ITGAD: variants seen among roughly 807,000 people sequenced by gnomAD.
ITGAD encodes integrin alpha-D.
Under a neutral mutation model 139.0 loss-of-function variants are expected in ITGAD, and 105 were observed. The ratio of observed to expected loss-of-function variants is 0.76; its 90% CI spans 0.65 to 0.89. The LOEUF (loss-of-function observed/expected upper bound fraction) is 0.89, where lower values mean the gene tolerates loss of function less well. Ranked by LOEUF, ITGAD falls within the 40% of genes least tolerant of loss-of-function variation. ITGAD has a pLI of 0.00. For synonymous variants in ITGAD, 569 were observed against 598.3 expected, an observed-to-expected ratio of 0.95 and a Z score of 0.71; for missense variants, 1,384 against 1,487.3, an observed-to-expected ratio of 0.93 and a Z score of 1.14.
chr16:31,404,898 T>C (rs2142687906), intron 7 of ITGAD, among the ~76,000 whole-genome samples: 1 of 151,812 alleles, frequency 6.6e-6, no homozygotes, highest in East Asian at 1.9e-4. Flanking sequence ...CTTCATTTCT[T>C]CTCTCACTCT....
chr16:31,414,857 C>T lies in ITGAD; in HGVS notation c.2152-3C>T, dbSNP rs768319518. 4 of 1,613,898 alleles carry T rather than the reference C, an allele frequency of 2.5e-6. No individual in the cohort carries two copies. In the South Asian group the frequency reaches 4.4e-5, roughly 18 times the overall value. On this transcript the variant is annotated splice_polypyrimidine_tract_variant and splice_region_variant and intron_variant, in intron 17 of 29. Coordinates refer to ENST00000389202, the MANE Select transcript of ITGAD (RefSeq NM_005353.3). ...AGGTTCTTGAAAGCCTGTTCTCTCT[C>T]AGGATTGTGTGGAGGATGTGGTGAG...
intron 16 of ITGAD, 110 bp downstream of exon 16, chr16:31,413,356 C>A: frequency 1.7e-6 from 2 of 1,179,214 alleles, no homozygotes; most frequent in Non-Finnish European, 2.4e-6. Context: ...CACATTCACT[C>A]ACCACCTGTG....
chr16:31,411,579 C>A, intron 14 of ITGAD, 62 bp downstream of exon 14: 1 of 1,507,054 alleles, frequency 6.6e-7, no homozygotes, highest in Non-Finnish European at 9.2e-7. Context: ...GTTCACTGAA[C>A]GCAGCCTCCT....
chr16:31,398,018 G>A lies in ITGAD; in HGVS notation c.427+109G>A, dbSNP rs1196549335. The A allele has an allele frequency of 6.6e-6, 5 of 752,244 alleles. No homozygotes were observed. The African/African-American group carries it at 8.8e-5, about 13-fold the overall frequency. The allele number at this position is 752,244 out of a possible 1,614,324, so 46.6% of individuals were successfully genotyped here. A position where few individuals can be genotyped will look rare whatever the true frequency, so the allele number is the denominator to read the frequency against. ...CTGTGCCCTCCCTGGAGGGCCGAGT[G>A]TGGCTAGGAGAGAAGCCAGGAGAAG... On this transcript the variant is annotated intron_variant, in intron 5 of 29. Transcript: ENST00000389202.
intron 25 of ITGAD, 56 bp downstream of exon 25, chr16:31,423,515 C>T: frequency 6.2e-7 from 1 of 1,603,216 alleles, no homozygotes. Flanking sequence ...ACAGCACTCC[C>T]TCTTACCAGG....
chr16:31,402,462 G>T, intron 6 of ITGAD: 1 of 392,600 alleles, frequency 2.5e-6, no homozygotes, highest in Non-Finnish European at 4.6e-6. Context: ...GAAATACAAT[G>T]TTTCTGCTGT....
intron 18 of ITGAD, 50 bp from the exon 19 acceptor site, chr16:31,416,163 G>A: frequency 6.9e-7 from 1 of 1,459,244 alleles, no homozygotes; most frequent in Admixed American, 1.9e-5. Flanking sequence ...GAGGGGCTTG[G>A]AGAAAGACTA....
chr16:31,407,123 G>T (rs2081558579), intron 7 of ITGAD, among the ~76,000 whole-genome samples: 3 of 152,204 alleles, frequency 2.0e-5, no homozygotes, highest in Admixed American at 2.0e-4. Context: ...GGAGGCTGAG[G>T]CTGGTGGATC....
chr16:31,423,928 G>A lies in ITGAD; in HGVS notation c.3129G>A (p.Lys1043=), dbSNP rs2082058475. Residue 1043 remains lysine, a synonymous_variant, in exon 27 of 30, where the codon AAG becomes AAA. Coordinates refer to ENST00000389202, the MANE Select transcript of ITGAD (RefSeq NM_005353.3). ...SVQEELDFTL[K]GNLSFGWVRE... Reference sequence around the variant, plus strand: ...AGGAGGAGCTGGATTTCACCCTGAAGGGCAATCTCAGTTTCGGCTGGGTCC... The same window carrying A: ...AGGAGGAGCTGGATTTCACCCTGAAAGGCAATCTCAGTTTCGGCTGGGTCC... The A allele has an allele frequency of 6.2e-7, 1 of 1,614,054 alleles. No homozygotes were observed. Among genetic ancestry groups the A allele is most frequent in the Admixed American group, 1.7e-5 (1 of 60,008 alleles).
Position 31,407,520 on chromosome 16 carries a change from A to G in ITGAD, c.710A>G (p.Gln237Arg). 1 of 1,589,122 alleles carries G rather than the reference A, an allele frequency of 6.3e-7. No individual in the cohort carries two copies. Among genetic ancestry groups the G allele is most frequent in the Non-Finnish European group, 8.6e-7 (1 of 1,166,438 alleles). ...TATGILTVVT[Q>R]LFHHKNGARK... ...CTTCCTTTCCTCCCCGACAGGACAC[A>G]GCTATTTCATCATAAGAATGGGGCC... Residue 237 changes from glutamine to arginine, a missense_variant, in exon 8 of 30, where the codon CAG becomes CGG. Gln to Arg is a conservative substitution (Grantham distance 43). Transcript: ENST00000389202.
chr16:31,407,367 C>T, intron 7 of ITGAD, 148 bp from the exon 8 acceptor site: 2 of 781,290 alleles, frequency 2.6e-6, no homozygotes, highest in Non-Finnish European at 4.0e-6. Flanking sequence ...AAAGAAAACC[C>T]AAAACGGCAA....
At chr16:31,412,078 T>C (rs1212811735) in intron 14 of ITGAD, among the ~76,000 whole-genome samples, 4 of 140,880 alleles carry the variant, frequency 2.8e-5, no homozygotes, top group African/African-American at 9.1e-5. Flanking sequence ...TTTTTTTTTC[T>C]TTTTTTTTTG....
rs778165320 is a variant in ITGAD, at chr16:31,411,435, C to T, written c.1625C>T (p.Ala542Val). The T allele has an allele frequency of 1.2e-6, 2 of 1,613,962 alleles. No individual in the cohort carries two copies. Among genetic ancestry groups the T allele is most frequent in the African/African-American group, 2.7e-5 (2 of 74,892 alleles). The change falls in exon 14 of 30, where the codon GCC becomes GTC. Residue 542 changes from alanine (A) to valine (V), a missense_variant. Transcript: ENST00000389202. ...AAGCTGATAGACGTGGCCATTGGGG[C>T]CCCGGGAGAGCAGGAGAACCGGGGT... Reference protein sequence around the residue: ...EDKLIDVAIGAPGEQENRGAV... With the variant: ...EDKLIDVAIGVPGEQENRGAV...
intron 2 of ITGAD, among the ~76,000 whole-genome samples, chr16:31,396,190 G>A (rs773636285): frequency 2.0e-5 from 3 of 152,140 alleles, no homozygotes; most frequent in Non-Finnish European, 4.4e-5. Context: ...AGAATACATT[G>A]GCTGAGTGCA....
rs779680943 is a variant in ITGAD at position 31,411,091 on chromosome 16, G to C, written c.1372G>C (p.Gly458Arg). Residue 458 changes from glycine (G) to arginine (R), a missense_variant, in exon 13 of 30, where the codon GGG becomes CGG. Physicochemically the swap from Gly to Arg is moderately radical, Grantham distance 125. Coordinates refer to ENST00000389202, the MANE Select transcript of ITGAD (RefSeq NM_005353.3). Reference protein sequence around the residue: ...VTGTQIGSYFGASLCSVDVDS... With the variant: ...VTGTQIGSYFRASLCSVDVDS... ...TGCCCTCCAGATCGGCTCCTACTTC[G>C]GGGCCTCCCTCTGCTCTGTGGATGT... 1 of 1,612,152 alleles carries C rather than the reference G, an allele frequency of 6.2e-7. No homozygotes were observed. Among genetic ancestry groups the C allele is most frequent in the Non-Finnish European group, 8.5e-7 (1 of 1,179,762 alleles).
chr16:31,410,874 C>T lies in ITGAD; in HGVS notation c.1352C>T (p.Thr451Met), dbSNP rs773755457. 35 of 1,606,040 alleles carry T rather than the reference C, an allele frequency of 2.2e-5. No homozygotes were observed. Among genetic ancestry groups the T allele is most frequent in the East Asian group, 1.4e-4 (6 of 44,426 alleles). Residue 451 changes from threonine to methionine, a missense_variant, in exon 12 of 30, where the codon ACG becomes ATG. Coordinates refer to ENST00000389202, the MANE Select transcript of ITGAD (RefSeq NM_005353.3). ...AGGAAGAAGGCCGAAGTCACAGGGA[C>T]GCAGGTTGGGCGTGACAGGAGCCAG... ...QWRKKAEVTGTQIGSYFGASL... is the reference protein window; with the variant it reads ...QWRKKAEVTGMQIGSYFGASL...
chr16:31,396,516 C>T (rs1475750974), intron 2 of ITGAD, among the ~76,000 whole-genome samples: 5 of 152,168 alleles, frequency 3.3e-5, no homozygotes, highest in African/African-American at 9.7e-5. Flanking sequence ...TTTTGCTCAT[C>T]GTTTGTATCA....
Position 31,423,556 on chromosome 16 carries a change from T to A in ITGAD, c.2968-15T>A. 6.2e-7 allele frequency: 1 copy of A among 1,613,082 alleles called. No homozygotes were observed. Among genetic ancestry groups the A allele is most frequent in the Non-Finnish European group, 8.5e-7 (1 of 1,179,048 alleles). On this transcript the variant is annotated splice_polypyrimidine_tract_variant and intron_variant, in intron 25 of 29. Transcript: ENST00000389202. Reference sequence around the variant, plus strand: ...GTTGCTCATTCTGTGGCTAAGTGCTTCTTTCTCTTCCCAGAGTCTCCCCTG... The same window carrying A: ...GTTGCTCATTCTGTGGCTAAGTGCTACTTTCTCTTCCCAGAGTCTCCCCTG...
intron 7 of ITGAD, among the ~76,000 whole-genome samples, chr16:31,405,895 G>A (rs557545428): frequency 3.9e-5 from 6 of 151,914 alleles, no homozygotes; most frequent in East Asian, 3.9e-4. Context: ...CTCCTGCCTC[G>A]GCCTCCCATA....
Sources: allele counts gnomAD v4.1 joint callset (sites outside exome capture counted in the v4.1 genomes callset), GRCh38; gene constraint gnomAD v4.1.1; transcripts MANE v1.5; gene names NCBI Gene and HGNC (gene_info 2026-07-23, HGNC 2026-07-21).